HMGA2: variants seen among roughly 807,000 people sequenced by gnomAD.
HMGA2 encodes the protein high mobility group AT-hook 2, also known as high mobility group protein HMGI-C.
Under a neutral mutation model 19.1 loss-of-function variants are expected in HMGA2, and 8 were observed. The ratio of observed to expected loss-of-function variants is 0.42; its 90% CI spans 0.25 to 0.76. The LOEUF (loss-of-function observed/expected upper bound fraction) is 0.76, where lower values mean the gene tolerates loss of function less well. Ranked by LOEUF, HMGA2 falls within the 30% of genes least tolerant of loss-of-function variation. The pLI is 0.28. For synonymous variants in HMGA2, 60 were observed against 48.8 expected (o/e 1.23, Z -0.96); for missense variants, 109 against 136.3 (o/e 0.80, Z 1.00).
chr12:65,927,076 TC>T (rs1478939281), intron 3 of HMGA2, among the ~76,000 whole-genome samples: 3 of 152,194 alleles, frequency 2.0e-5, no homozygotes, highest in Non-Finnish European at 4.4e-5. Flanking sequence ...TTCATGGCCT[TC>T]TTTCAACACA....
chr12:65,844,913 G>C (rs1276107784), intron 3 of HMGA2, among the ~76,000 whole-genome samples: 1 of 152,170 alleles, frequency 6.6e-6, no homozygotes, highest in East Asian at 1.9e-4. Context: ...GCTATCATCA[G>C]ATCAATAGAG....
rs147023389 is a variant in HMGA2, at chr12:65,866,430, A to G, written c.249+27861A>G. Among the ~76,000 whole-genome samples, 162 of 152,330 alleles carry G rather than the reference A, an allele frequency of 1.1e-3. 1 individual carries two copies. In the South Asian group the frequency reaches 0.012, roughly 11 times the overall value. ...CTGGGTGGACTTGATGGAGGAGGTCATGGATAGCCTTGCAGCTGGTAGACC... is the reference window on the plus strand; with the variant it reads ...CTGGGTGGACTTGATGGAGGAGGTCGTGGATAGCCTTGCAGCTGGTAGACC... On this transcript the variant is annotated intron_variant, in intron 3 of 4. Transcript: ENST00000403681.
In HMGA2 at chr12:65,965,271, T is replaced by G. The variant is rs997292449; in HGVS notation, c.*1979T>G. The stretch of plus-strand genomic sequence containing the variant: ...AGAAAATGCTTGACAAATATTTTCA[T>G]GTATTTTACACAAATGTGATTTTTG... On this transcript the variant is annotated 3_prime_UTR_variant, in exon 5 of 5. Coordinates refer to ENST00000403681, the MANE Select transcript of HMGA2 (RefSeq NM_003483.6). 3 of 203,432 alleles carry G rather than the reference T, an allele frequency of 1.5e-5. No individual in the cohort carries two copies. In the East Asian group the frequency reaches 2.3e-4, roughly 16 times the overall value. 12.6% of individuals were successfully genotyped at this position (203,432 alleles called of 1,614,324 possible).
intron 3 of HMGA2, chr12:65,915,499 G>T: frequency 1.7e-6 from 2 of 1,202,262 alleles, no homozygotes; most frequent in Non-Finnish European, 2.1e-6. Flanking sequence ...GGTGTGGTTT[G>T]ATTTCATAAA....
At chr12:65,863,868 G>C (rs1872241467) in intron 3 of HMGA2, among the ~76,000 whole-genome samples, 1 of 152,150 alleles carries the variant, frequency 6.6e-6, no homozygotes, top group African/African-American at 2.4e-5. Context: ...GCCCAACTTT[G>C]GCTAAGCGAT....
chr12:65,932,510 A>G (rs1014778220), intron 3 of HMGA2, among the ~76,000 whole-genome samples: 1 of 152,234 alleles, frequency 6.6e-6, no homozygotes, highest in Non-Finnish European at 1.5e-5. Context: ...GCACTCAATG[A>G]ATGTATGTTG....
At chr12:65,897,121 C>A (rs1874161791) in intron 3 of HMGA2, among the ~76,000 whole-genome samples, 1 of 152,020 alleles carries the variant, frequency 6.6e-6, no homozygotes, top group Non-Finnish European at 1.5e-5. Context: ...TGTAGGTGTG[C>A]ATATTTGTGG....
chr12:65,937,889 C>G (rs1875950157), intron 3 of HMGA2, among the ~76,000 whole-genome samples: 1 of 152,182 alleles, frequency 6.6e-6, no homozygotes, highest in Middle Eastern at 3.2e-3. Context: ...CAAACCAGCA[C>G]AGAGAATAGT....
Position 65,889,494 on chromosome 12 carries a change from A to C in HMGA2, c.249+50925A>C, listed in dbSNP as rs192466990. On this transcript the variant is annotated intron_variant, in intron 3 of 4. Transcript: ENST00000403681. ...TATACCCACAGATTTTTAAAAAGTG[A>C]ATATTCTAGAGAGTTTCCATTCCAA... is the stretch of plus-strand genomic sequence containing the variant. Among the ~76,000 whole-genome samples, 3 of 152,322 alleles carry C rather than the reference A, an allele frequency of 2.0e-5. No homozygotes were observed. The East Asian group carries it at 5.8e-4, about 29-fold the overall frequency.
chr12:65,933,744 A>G (rs1467188821), intron 3 of HMGA2, among the ~76,000 whole-genome samples: 1 of 152,210 alleles, frequency 6.6e-6, no homozygotes, highest in Non-Finnish European at 1.5e-5. Context: ...AAACACTGGT[A>G]TGCACTCTAT....
intron 3 of HMGA2, among the ~76,000 whole-genome samples, chr12:65,882,551 A>G (rs557423379): frequency 7.6e-4 from 115 of 152,242 alleles, no homozygotes; most frequent in Non-Finnish European, 1.1e-3. Flanking sequence ...ATGTCTCCTG[A>G]GGGCCTGTCC....
chr12:65,851,573 C>A, intron 3 of HMGA2: 2 of 385,028 alleles, frequency 5.2e-6, no homozygotes, highest in Middle Eastern at 5.9e-4. Context: ...ACCTGTAATT[C>A]CAGCGAGCAG....
At chr12:65,901,955 G>A (rs1213694992) in intron 3 of HMGA2, among the ~76,000 whole-genome samples, 2 of 152,194 alleles carry the variant, frequency 1.3e-5, no homozygotes, top group Non-Finnish European at 2.9e-5. Flanking sequence ...AGTGTTTTAT[G>A]TGAGAACCAT....
intron 2 of HMGA2, among the ~76,000 whole-genome samples, chr12:65,833,859 A>G (rs1870584486): frequency 1.3e-5 from 2 of 152,202 alleles, no homozygotes; most frequent in East Asian, 3.8e-4. Flanking sequence ...ATGCTTGGAA[A>G]GTCACTTTGG....
At chr12:65,827,445 T>A (rs961396615) in intron 1 of HMGA2, among the ~76,000 whole-genome samples, 1 of 152,190 alleles carries the variant, frequency 6.6e-6, no homozygotes. Flanking sequence ...TGGAGTTATT[T>A]TGAACTGAAG....
At chr12:65,839,016 TC>T (rs1180750232) in intron 3 of HMGA2, among the ~76,000 whole-genome samples, 10 of 150,878 alleles carry the variant, frequency 6.6e-5, no homozygotes, top group East Asian at 3.9e-4. Context: ...TTTTTGGTTT[TC>T]TCCATGGCTT....
chr12:65,921,223 A>G (rs1383086741), intron 3 of HMGA2, among the ~76,000 whole-genome samples: 2 of 152,172 alleles, frequency 1.3e-5, no homozygotes, highest in Non-Finnish European at 2.9e-5. Flanking sequence ...AGCATTCAAG[A>G]GGTGACTTGG....
At chr12:65,871,583 G>A (rs1051797122) in intron 3 of HMGA2, among the ~76,000 whole-genome samples, 41 of 152,188 alleles carry the variant, frequency 2.7e-4, no homozygotes, top group African/African-American at 8.9e-4. Flanking sequence ...GATTCTCGAG[G>A]CTAAAGAATA....
chr12:65,894,512 A>T (rs1874043616), intron 3 of HMGA2, among the ~76,000 whole-genome samples: 1 of 152,176 alleles, frequency 6.6e-6, no homozygotes, highest in Non-Finnish European at 1.5e-5. Context: ...TTTCAAATGG[A>T]TCATTTTTAC....
Sources: gnomAD v4.1 joint callset for allele counts (sites outside exome capture counted in the v4.1 genomes callset) on GRCh38, gnomAD v4.1.1 for gene constraint, MANE v1.5 for transcripts, NCBI Gene and HGNC (gene_info 2026-07-23, HGNC 2026-07-21) for gene names.